PEX5L: variants seen among roughly 807,000 people sequenced by gnomAD.
PEX5L encodes PEX5-related protein.
In PEX5L, 30 loss-of-function variants were observed where a neutral mutation model predicts 84.0. The ratio of observed to expected loss-of-function variants is 0.36; its 90% CI spans 0.27 to 0.48. PEX5L has a LOEUF of 0.48. PEX5L is among the 20% of genes least tolerant of loss of function. The pLI is 0.99. For missense variants in PEX5L, 533 were observed against 754.6 expected (o/e 0.71, Z 3.44); for synonymous variants, 270 against 283.1 (o/e 0.95, Z 0.46).
intron 8 of PEX5L, 174 bp from the exon 9 acceptor site, chr3:179,820,150 GT>G: frequency 1.3e-6 from 1 of 773,922 alleles, no homozygotes; most frequent in Non-Finnish European, 2.0e-6. Flanking sequence ...TGGTCAGAGT[GT>G]TGAAGTGGAT....
intron 14 of PEX5L, among the ~76,000 whole-genome samples, chr3:179,803,705 G>A (rs1720029460): frequency 6.6e-6 from 1 of 152,206 alleles, no homozygotes; most frequent in Admixed American, 6.5e-5. Context: ...CTGCAAGGTA[G>A]GTAATAAGCA....
At chr3:179,824,706 C>CA (rs11296415) in intron 8 of PEX5L, among the ~76,000 whole-genome samples, 7,984 of 70,118 alleles carry the variant, frequency 0.11, 455 homozygotes, top group Middle Eastern at 0.18. Context: ...AACTCCATCT[C>CA]AAAAAAAAAA....
At chr3:179,975,860 TGAG>T (rs1785724180) in intron 1 of PEX5L, among the ~76,000 whole-genome samples, 1 of 152,148 alleles carries the variant, frequency 6.6e-6, no homozygotes, top group Admixed American at 6.5e-5. Flanking sequence ...TGAGTGTCAA[TGAG>T]GAGAAGGGTT....
At chr3:180,001,884 A>G (rs940863750) in intron 1 of PEX5L, among the ~76,000 whole-genome samples, 3 of 152,162 alleles carry the variant, frequency 2.0e-5, no homozygotes, top group Admixed American at 6.5e-5. Context: ...TATCTATATT[A>G]TCCATAGTCA....
In PEX5L at chr3:179,880,072, G is replaced by T. The variant is rs759526934; in HGVS notation, c.362C>A (p.Thr121Asn). The part of the protein sequence containing the change: ...LLDLSEPVSQ[T>N]QTKAKKSEPS... ...CTCTGACTTCTTGGCTTTGGTTTGG[G>T]TTTGAGAGACTGGTTCACTCAGGTC... The change falls in exon 5 of 15, where the codon ACC becomes AAC. Residue 121 changes from threonine (T) to asparagine (N), a missense_variant. Transcript: ENST00000467460. 1.2e-6 allele frequency: 2 copies of T among 1,613,770 alleles called. No individual in the cohort carries two copies. The highest frequency in any genetic ancestry group is 2.2e-5 in the South Asian group (2 of 91,034).
intron 2 of PEX5L, among the ~76,000 whole-genome samples, chr3:179,920,792 C>G (rs941686065): frequency 3.9e-5 from 6 of 152,076 alleles, no homozygotes; most frequent in Admixed American, 1.3e-4. Flanking sequence ...CTCCTTGGCA[C>G]TTAATAAATG....
At chr3:179,817,460 G>A (rs1444778525) in intron 9 of PEX5L, among the ~76,000 whole-genome samples, 3 of 152,150 alleles carry the variant, frequency 2.0e-5, no homozygotes, top group Non-Finnish European at 4.4e-5. Flanking sequence ...TAAAACTACG[G>A]TGAAAGCCTT....
At chr3:179,913,612 TTC>T (rs1386213754) in intron 2 of PEX5L, among the ~76,000 whole-genome samples, 1 of 152,154 alleles carries the variant, frequency 6.6e-6, no homozygotes, top group African/African-American at 2.4e-5. Flanking sequence ...GTTTGCATTT[TTC>T]CTCATTAAAA....
At chr3:179,821,826 AG>A (rs1728626036) in intron 8 of PEX5L, among the ~76,000 whole-genome samples, 1 of 152,278 alleles carries the variant, frequency 6.6e-6, no homozygotes, top group South Asian at 2.1e-4. Flanking sequence ...ATAAAAGACT[AG>A]GAAGAAATAT....
At chr3:179,910,228 A>G (rs930797340) in intron 2 of PEX5L, among the ~76,000 whole-genome samples, 6 of 152,246 alleles carry the variant, frequency 3.9e-5, no homozygotes, top group Non-Finnish European at 8.8e-5. Flanking sequence ...AGAATTGCCC[A>G]AAATAAATGT....
chr3:179,835,321 G>T (rs1012394450), intron 8 of PEX5L, among the ~76,000 whole-genome samples: 2 of 151,738 alleles, frequency 1.3e-5, no homozygotes, highest in Non-Finnish European at 2.9e-5. Context: ...TCTGTAAGTT[G>T]TGAAGAGTTA....
intron 7 of PEX5L, among the ~76,000 whole-genome samples, chr3:179,859,458 G>A (rs1249169886): frequency 1.3e-5 from 2 of 152,214 alleles, no homozygotes. Flanking sequence ...TCCAGGCCTT[G>A]ATATTTTAGT....
At chr3:179,866,800 G>A (rs777324094) in intron 7 of PEX5L, among the ~76,000 whole-genome samples, 1 of 151,872 alleles carries the variant, frequency 6.6e-6, no homozygotes, top group African/African-American at 2.4e-5. Context: ...CGAGGTGGGC[G>A]GATTGCCCGA....
At chr3:179,959,987 T>C (rs1781606843) in intron 2 of PEX5L, among the ~76,000 whole-genome samples, 1 of 152,242 alleles carries the variant, frequency 6.6e-6, no homozygotes, top group South Asian at 2.1e-4. Flanking sequence ...GAGTCTCAGA[T>C]TTTTCTGTTT....
intron 11 of PEX5L, 82 bp from the exon 12 acceptor site, chr3:179,809,750 A>G: frequency 1.1e-6 from 1 of 935,918 alleles, no homozygotes; most frequent in Non-Finnish European, 1.6e-6. Flanking sequence ...GGGGGTCTTT[A>G]TTAACTAAAT....
At chr3:179,992,518 T>C (rs1787473577) in intron 1 of PEX5L, among the ~76,000 whole-genome samples, 1 of 152,182 alleles carries the variant, frequency 6.6e-6, no homozygotes, top group Non-Finnish European at 1.5e-5. Flanking sequence ...GTAATGCAGA[T>C]GAGAAAAATC....
intron 1 of PEX5L, among the ~76,000 whole-genome samples, chr3:180,006,068 C>T (rs1788860940): frequency 6.6e-6 from 1 of 152,098 alleles, no homozygotes; most frequent in South Asian, 2.1e-4. Flanking sequence ...TCAAGTGACA[C>T]AAAAAAGTAC....
At chr3:179,993,860 C>T (rs1787614116) in intron 1 of PEX5L, among the ~76,000 whole-genome samples, 1 of 152,074 alleles carries the variant, frequency 6.6e-6, no homozygotes, top group Non-Finnish European at 1.5e-5. Context: ...GTCACTATTC[C>T]CTAAATAATA....
chr3:179,955,114 TA>T (rs1328240706), intron 2 of PEX5L, among the ~76,000 whole-genome samples: 5 of 152,208 alleles, frequency 3.3e-5, no homozygotes, highest in Non-Finnish European at 7.3e-5. Flanking sequence ...ATATTTATTT[TA>T]TTTTTTTTAG....
Sources: allele counts gnomAD v4.1 joint callset (sites outside exome capture counted in the v4.1 genomes callset), GRCh38; gene constraint gnomAD v4.1.1; transcripts MANE v1.5; gene names NCBI Gene and HGNC (gene_info 2026-07-23, HGNC 2026-07-21).